Variants in FNTB observed in about 807,000 individuals in gnomAD.
FNTB encodes the protein farnesyltransferase, CAAX box, subunit beta.
A neutral mutation model predicts 59.4 loss-of-function variants in FNTB; 27 were observed. The observed-to-expected ratio is 0.45, with a 90% CI of 0.34 to 0.63. The LOEUF (loss-of-function observed/expected upper bound fraction) is 0.63, where lower values mean the gene tolerates loss of function less well. Ranked by LOEUF, FNTB falls within the 20% of genes least tolerant of loss-of-function variation. The pLI is 0.02. For missense variants in FNTB, 449 were observed against 559.6 expected (o/e 0.80, Z 1.99); for synonymous variants, 230 against 220.7 (o/e 1.04, Z -0.37).
intron 4 of FNTB, among the ~76,000 whole-genome samples, chr14:65,026,675 G>A (rs1358966020): frequency 6.6e-6 from 1 of 152,094 alleles, no homozygotes; most frequent in African/African-American, 2.4e-5. Context: ...AGCCTGGCCA[G>A]CATGGTGAAA....
At chr14:65,003,475 A>G (rs772953049) in intron 1 of FNTB, 6 of 152,144 alleles carry the variant, frequency 3.9e-5, no homozygotes, top group Non-Finnish European at 7.3e-5. Flanking sequence ...AACCACTATA[A>G]CAAACCAACA....
intron 4 of FNTB, among the ~76,000 whole-genome samples, chr14:65,026,285 A>G (rs1035551288): frequency 1.3e-5 from 2 of 152,198 alleles, no homozygotes; most frequent in African/African-American, 2.4e-5. Context: ...AAGACCCCGG[A>G]CTGATGATAG....
At chr14:65,037,929 G>A (rs536580246) in intron 7 of FNTB, among the ~76,000 whole-genome samples, 46 of 151,620 alleles carry the variant, frequency 3.0e-4, no homozygotes, top group African/African-American at 9.7e-4. Context: ...ATAGGCGTGC[G>A]CCACGACACC....
At chr14:64,998,179 A>C (rs982721394) in intron 1 of FNTB, among the ~76,000 whole-genome samples, 10 of 152,226 alleles carry the variant, frequency 6.6e-5, no homozygotes, top group African/African-American at 2.2e-4. Context: ...ATTTGAGGTA[A>C]AACTTTGCGC....
chr14:64,995,861 T>A (rs956311888), intron 1 of FNTB, among the ~76,000 whole-genome samples: 1 of 151,542 alleles, frequency 6.6e-6, no homozygotes, highest in Non-Finnish European at 1.5e-5. Flanking sequence ...CTGGGTGCAA[T>A]GGCTCATATC....
chr14:65,044,534 T>A lies in FNTB; in HGVS notation c.955+91T>A. 1 of 1,522,666 alleles carries A rather than the reference T, an allele frequency of 6.6e-7. No homozygotes were observed. The highest frequency in any genetic ancestry group is 8.8e-7 in the Non-Finnish European group (1 of 1,139,932). The allele number at this position is 1,522,666 out of a possible 1,614,324, so 94.3% of individuals were successfully genotyped here. A position where few individuals can be genotyped will look rare whatever the true frequency, so the allele number is the denominator to read the frequency against. The stretch of plus-strand genomic sequence containing the variant: ...GCCCAGCGTGCTTTTTTAGAGGGGT[T>A]GAAATGAGCTCTGTCTATCCTGGAT... On this transcript the variant is annotated intron_variant, in intron 9 of 11. Coordinates refer to ENST00000246166, the MANE Select transcript of FNTB (RefSeq NM_002028.4). The surrounding 1 kb of genome is among the most constrained non-coding windows in gnomAD (Gnocchi z 5.5).
Position 65,014,387 on chromosome 14 carries a change from C to T in FNTB, c.283-1238C>T, listed in dbSNP as rs984019316. ...ACGTGCTCCCTCAAAACTCTGTTTTCGTCCATTACAGCATTTCTCCAGGTA... is the reference window on the plus strand; with the variant it reads ...ACGTGCTCCCTCAAAACTCTGTTTTTGTCCATTACAGCATTTCTCCAGGTA... On this transcript the variant is annotated intron_variant, in intron 3 of 11. Transcript: ENST00000246166. The surrounding 1 kb of genome is among the most constrained non-coding windows in gnomAD (Gnocchi z 5.1). 6.6e-6 allele frequency among the ~76,000 whole-genome samples: 1 copy of T among 152,170 alleles called. No individual in the cohort carries two copies. The highest frequency in any genetic ancestry group is 1.5e-5 in the Non-Finnish European group (1 of 68,028).
Position 65,053,311 on chromosome 14 carries a change from C to T in FNTB, c.1029C>T (p.Cys343=), listed in dbSNP as rs770281986. Residue 343 remains cysteine, a synonymous_variant, in exon 10 of 12, where the codon TGC becomes TGT. Coordinates refer to ENST00000246166, the MANE Select transcript of FNTB (RefSeq NM_002028.4). ...TGCAGGAGTACATCCTGATGTGCTG[C>T]CAGTGCCCTGCGGGGGGGCTTCTGG... ...QALQEYILMC[C]QCPAGGLLDK... The T allele has an allele frequency of 6.9e-6, 10 of 1,451,500 alleles. No individual in the cohort carries two copies. The Admixed American group carries it at 1.5e-4, about 21-fold the overall frequency. The allele number at this position is 1,451,500 out of a possible 1,614,324, so 89.9% of individuals were successfully genotyped here. A position where few individuals can be genotyped will look rare whatever the true frequency, so the allele number is the denominator to read the frequency against.
intron 7 of FNTB, among the ~76,000 whole-genome samples, chr14:65,034,201 T>G (rs1429603994): frequency 1.3e-5 from 2 of 152,224 alleles, no homozygotes; most frequent in African/African-American, 4.8e-5. Flanking sequence ...TGGAGCCCTC[T>G]GCCCTCCTGC....
chr14:65,044,213 G>A lies in FNTB; in HGVS notation c.823-98G>A. On this transcript the variant is annotated intron_variant, in intron 8 of 11. Transcript: ENST00000246166. The surrounding 1 kb of genome is among the most constrained non-coding windows in gnomAD (Gnocchi z 5.5). ...AGAGTGCCAAGAAGCCACAAGATGGGAAACCCTCCATCCCACAGATTGACT... is the reference window on the plus strand; with the variant it reads ...AGAGTGCCAAGAAGCCACAAGATGGAAAACCCTCCATCCCACAGATTGACT... The A allele has an allele frequency of 6.3e-7, 1 of 1,586,990 alleles. No homozygotes were observed. The highest frequency in any genetic ancestry group is 8.6e-7 in the Non-Finnish European group (1 of 1,169,358).
At chr14:65,058,405 T>C (rs2139691175) in intron 11 of FNTB, among the ~76,000 whole-genome samples, 1 of 152,290 alleles carries the variant, frequency 6.6e-6, no homozygotes, top group East Asian at 1.9e-4. Context: ...CCAGCCACCT[T>C]GTTGAACTCT....
chr14:65,006,724 C>G (rs1464572424), intron 2 of FNTB, among the ~76,000 whole-genome samples: 1 of 152,228 alleles, frequency 6.6e-6, no homozygotes, highest in East Asian at 1.9e-4. Flanking sequence ...TCCCTTTTCA[C>G]TTACCATCAG....
At chr14:65,048,544 G>A (rs528834728) in intron 9 of FNTB, among the ~76,000 whole-genome samples, 1 of 152,294 alleles carries the variant, frequency 6.6e-6, no homozygotes, top group South Asian at 2.1e-4. Context: ...TTGAGTAGAA[G>A]AAGGAATTAC....
At chr14:65,019,359 C>T (rs1301320071) in intron 4 of FNTB, among the ~76,000 whole-genome samples, 6 of 151,202 alleles carry the variant, frequency 4.0e-5, no homozygotes. Flanking sequence ...TGGTGGCTGG[C>T]ACCTGTAATC....
chr14:65,025,776 G>A (rs931585820), intron 4 of FNTB, among the ~76,000 whole-genome samples: 4 of 152,140 alleles, frequency 2.6e-5, no homozygotes, highest in African/African-American at 9.7e-5. Flanking sequence ...TGATTATGCC[G>A]CTGTCCTGCA....
chr14:65,041,336 G>A (rs188729083), intron 8 of FNTB, among the ~76,000 whole-genome samples: 5 of 152,322 alleles, frequency 3.3e-5, no homozygotes, highest in African/African-American at 1.2e-4. Context: ...ATTTAAATGA[G>A]TTGTTTAGGC....
intron 9 of FNTB, among the ~76,000 whole-genome samples, chr14:65,046,963 A>C (rs949885874): frequency 6.6e-6 from 1 of 152,232 alleles, no homozygotes; most frequent in Non-Finnish European, 1.5e-5. Context: ...CAAAACAAGC[A>C]AAAAGGTGCG....
intron 7 of FNTB, among the ~76,000 whole-genome samples, chr14:65,034,393 C>T (rs913873302): frequency 1.3e-5 from 2 of 152,350 alleles, no homozygotes; most frequent in East Asian, 1.9e-4. Flanking sequence ...CTGGGAGATA[C>T]ATTTTTAATA....
chr14:65,054,423 A>T lies in FNTB; in HGVS notation c.1068-152A>T. The T allele has an allele frequency of 4.0e-6, 3 of 747,254 alleles. No homozygotes were observed. The highest frequency in any genetic ancestry group is 6.5e-6 in the Non-Finnish European group (3 of 462,126). 46.3% of individuals were successfully genotyped at this position (747,254 alleles called of 1,614,324 possible). ...CTGTGCTCAGCCAGTGGGGCTTTAA[A>T]TAACACTGCTGGGAAAACCATGCCT... On this transcript the variant is annotated intron_variant, in intron 10 of 11. Coordinates refer to ENST00000246166, the MANE Select transcript of FNTB (RefSeq NM_002028.4). The surrounding 1 kb of genome is among the most constrained non-coding windows in gnomAD (Gnocchi z 4.4).
Sources: allele counts gnomAD v4.1 joint callset (sites outside exome capture counted in the v4.1 genomes callset), GRCh38; gene constraint gnomAD v4.1.1; non-coding constraint Gnocchi (gnomAD v3.1); transcripts MANE v1.5; gene names NCBI Gene and HGNC (gene_info 2026-07-23, HGNC 2026-07-21).